The following TUBGCP4 variants were observed in gnomAD, a reference collection of about 807,000 sequenced individuals.
TUBGCP4 encodes gamma-tubulin complex component 4.
In TUBGCP4, 54 loss-of-function variants were observed where a neutral mutation model predicts 91.6. The ratio of observed to expected loss-of-function variants is 0.59; its 90% CI spans 0.47 to 0.74. The LOEUF (loss-of-function observed/expected upper bound fraction) is 0.74. Ranked by LOEUF, TUBGCP4 falls within the 30% of genes least tolerant of loss-of-function variation. The probability of loss-of-function intolerance (pLI) is 0.00; values close to 1 mark genes in which losing one functional copy is unlikely to be tolerated. For synonymous variants in TUBGCP4, 297 were observed against 302.8 expected, an observed-to-expected ratio of 0.98 and a Z score of 0.20; for missense variants, 593 against 800.9, an observed-to-expected ratio of 0.74 and a Z score of 3.13.
At chr15:43,377,689 TCCACA>T in intron 4 of TUBGCP4, 153 bp from the exon 5 acceptor site, 1 of 577,020 alleles carries the variant, frequency 1.7e-6, no homozygotes, top group Non-Finnish European at 3.0e-6. Flanking sequence ...GCAGCGAACC[TCCACA>T]TCAAATTGCC....
chr15:43,403,914 A>G, intron 16 of TUBGCP4, 115 bp downstream of exon 16: 1 of 725,812 alleles, frequency 1.4e-6, no homozygotes, highest in Non-Finnish European at 2.4e-6. Context: ...ACACACACGT[A>G]CAGAGATAAG....
chr15:43,398,885 TCA>T (rs2044624248), intron 13 of TUBGCP4, among the ~76,000 whole-genome samples: 2 of 152,188 alleles, frequency 1.3e-5, no homozygotes. Context: ...ATAAAGCAAA[TCA>T]CAGTCATTTC....
In TUBGCP4 at chr15:43,407,719, G is replaced by A; in HGVS notation, c.*2505G>A. Reference sequence around the variant, plus strand: ...CACACTGCTACTGATCATGACCAAAGGCAGAGTTATAATCACTATGTGCTG... The same window carrying A: ...CACACTGCTACTGATCATGACCAAAAGCAGAGTTATAATCACTATGTGCTG... On this transcript the variant is annotated 3_prime_UTR_variant, in exon 18 of 18. Coordinates refer to ENST00000564079, the MANE Select transcript of TUBGCP4 (RefSeq NM_014444.5). 1 of 833,684 alleles carries A rather than the reference G, an allele frequency of 1.2e-6. No homozygotes were observed. Among genetic ancestry groups the A allele is most frequent in the East Asian group, 2.7e-5 (1 of 37,362 alleles). 51.6% of individuals were successfully genotyped at this position (833,684 alleles called of 1,614,324 possible).
At chr15:43,398,858 T>G (rs2044623971) in intron 13 of TUBGCP4, among the ~76,000 whole-genome samples, 1 of 152,194 alleles carries the variant, frequency 6.6e-6, no homozygotes, top group African/African-American at 2.4e-5. Context: ...CCTCCCCCAC[T>G]TTTTTGCTAG....
chr15:43,386,125 C>A, intron 8 of TUBGCP4, 81 bp from the exon 9 acceptor site: 1 of 1,543,602 alleles, frequency 6.5e-7, no homozygotes, highest in Non-Finnish European at 8.7e-7. Flanking sequence ...TGCTGCCCCA[C>A]TGAGATTAGC....
rs369449749 is a variant in TUBGCP4, at chr15:43,397,197, C to T, written c.1172-17C>T. On this transcript the variant is annotated splice_polypyrimidine_tract_variant and intron_variant, in intron 11 of 17. Transcript: ENST00000564079. ...GTAGCCAAGCGTCCCTGTCAGCCTG[C>T]GTGTTCTTTCTTGCAGATGTGAATG... is the stretch of plus-strand genomic sequence containing the variant. The T allele has an allele frequency of 5.9e-4, 951 of 1,601,646 alleles. 13 individuals are homozygous for T. Among genetic ancestry groups the T allele is most frequent in the South Asian group, 5.8e-3 (527 of 90,854 alleles).
chr15:43,375,649 T>G (rs565698539), intron 1 of TUBGCP4, among the ~76,000 whole-genome samples: 5 of 152,246 alleles, frequency 3.3e-5, no homozygotes, highest in African/African-American at 1.2e-4. Context: ...ATGAAAACAA[T>G]GAAAACTTCT....
chr15:43,371,119 G>A lies in TUBGCP4; in HGVS notation c.-236G>A. On this transcript the variant is annotated 5_prime_UTR_variant, in exon 1 of 18. Transcript: ENST00000564079. ...GCGACTCAGTCTCCGCAGAGCCCGG[G>A]CGGGAGTAGCTGGTGGACCCCGTTG... 1.7e-6 allele frequency: 1 copy of A among 590,940 alleles called. No individual in the cohort carries two copies. Among genetic ancestry groups the A allele is most frequent in the Non-Finnish European group, 3.0e-6 (1 of 328,926 alleles). The allele number at this position is 590,940 out of a possible 1,614,324, so 36.6% of individuals were successfully genotyped here. A position where few individuals can be genotyped will look rare whatever the true frequency, so the allele number is the denominator to read the frequency against.
intron 14 of TUBGCP4, 124 bp downstream of exon 14, chr15:43,400,345 G>T (rs764724114): frequency 1.4e-5 from 9 of 637,116 alleles, no homozygotes; most frequent in Non-Finnish European, 2.3e-5. Flanking sequence ...GAAAATTCAG[G>T]AGTTATATCA....
At chr15:43,379,006 C>T (rs1286056005) in intron 5 of TUBGCP4, among the ~76,000 whole-genome samples, 4 of 152,212 alleles carry the variant, frequency 2.6e-5, no homozygotes, top group Admixed American at 6.5e-5. Flanking sequence ...CCTAGCTGCA[C>T]GTCTCAGTTG....
rs1381658265 is a variant in TUBGCP4, at chr15:43,408,652, C to CTGACT, written c.*3440_*3444dup. The CTGACT allele has an allele frequency of 1.4e-5, 7 of 491,100 alleles. No individual in the cohort carries two copies. In the Admixed American group the frequency reaches 2.3e-4, roughly 16 times the overall value. The allele number at this position is 491,100 out of a possible 1,614,324, so 30.4% of individuals were successfully genotyped here. A position where few individuals can be genotyped will look rare whatever the true frequency, so the allele number is the denominator to read the frequency against. ...TAATGCTTGCTTAAAACTTAGTTCT[C>CTGACT]TGACTTTACAGGTTGAGAATATTGA... On this transcript the variant is annotated 3_prime_UTR_variant, in exon 18 of 18. Coordinates refer to ENST00000564079, the MANE Select transcript of TUBGCP4 (RefSeq NM_014444.5).
intron 4 of TUBGCP4, among the ~76,000 whole-genome samples, chr15:43,377,268 C>T (rs1463874731): frequency 2.6e-5 from 4 of 152,062 alleles, no homozygotes; most frequent in African/African-American, 7.3e-5. Flanking sequence ...CTGATATTAA[C>T]GCTAATGTTA....
rs1057101014 is a variant in TUBGCP4 at position 43,380,283 on chromosome 15, T to C, written c.521+120T>C. 132 of 895,454 alleles carry C rather than the reference T, an allele frequency of 1.5e-4. 1 individual carries two copies. The South Asian group carries it at 1.9e-3, about 13-fold the overall frequency. The allele number at this position is 895,454 out of a possible 1,614,324, so 55.5% of individuals were successfully genotyped here. A position where few individuals can be genotyped will look rare whatever the true frequency, so the allele number is the denominator to read the frequency against. On this transcript the variant is annotated intron_variant, in intron 6 of 17. Coordinates refer to ENST00000564079, the MANE Select transcript of TUBGCP4 (RefSeq NM_014444.5). ...CCTCTTGGGAAGGTTATAACCAGGA[T>C]AGAAAAAGCTCCATGAGCAGAGGAG...
chr15:43,398,286 C>G (rs1007184295), intron 13 of TUBGCP4, 107 bp downstream of exon 13: 20 of 1,302,914 alleles, frequency 1.5e-5, no homozygotes, highest in Non-Finnish European at 2.1e-5. Flanking sequence ...GTGGCACACA[C>G]CTGTAATCCC....
chr15:43,405,275 A>C lies in TUBGCP4; in HGVS notation c.*61A>C. The C allele has an allele frequency of 1.3e-6, 2 of 1,574,672 alleles. No individual in the cohort carries two copies. Among genetic ancestry groups the C allele is most frequent in the Non-Finnish European group, 1.7e-6 (2 of 1,144,412 alleles). On this transcript the variant is annotated 3_prime_UTR_variant, in exon 18 of 18. Coordinates refer to ENST00000564079, the MANE Select transcript of TUBGCP4 (RefSeq NM_014444.5). The stretch of plus-strand genomic sequence containing the variant: ...TTCCCAAGGTTGTAACAGAAGATTC[A>C]AAACATCCCATTCTAGCCACACACA...
intron 4 of TUBGCP4, chr15:43,377,580 C>T: frequency 2.6e-6 from 1 of 383,816 alleles, no homozygotes; most frequent in South Asian, 3.1e-5. Flanking sequence ...CCACTATACT[C>T]CAGCCTGGGT....
chr15:43,389,563 C>T (rs1370611776), intron 9 of TUBGCP4, among the ~76,000 whole-genome samples: 1 of 152,050 alleles, frequency 6.6e-6, no homozygotes, highest in Non-Finnish European at 1.5e-5. Flanking sequence ...GGTTCAGTTT[C>T]TTGCTCTGGG....
intron 6 of TUBGCP4, among the ~76,000 whole-genome samples, chr15:43,380,409 T>C (rs1392779276): frequency 6.6e-6 from 1 of 152,228 alleles, no homozygotes; most frequent in Non-Finnish European, 1.5e-5. Context: ...TGAGGCAATC[T>C]TTTTAAATGT....
chr15:43,385,524 G>A (rs917381356), intron 7 of TUBGCP4: 2 of 508,864 alleles, frequency 3.9e-6, no homozygotes, highest in Non-Finnish European at 7.3e-6. Context: ...GAAGCTGGTC[G>A]ACTGTGCAAG....
Sources: gnomAD v4.1 joint callset for allele counts (sites outside exome capture counted in the v4.1 genomes callset) on GRCh38, gnomAD v4.1.1 for gene constraint, MANE v1.5 for transcripts, NCBI Gene and HGNC (gene_info 2026-07-23, HGNC 2026-07-21) for gene names.